STARD13: variants seen among roughly 807,000 people sequenced by gnomAD.
STARD13 encodes StAR related lipid transfer domain containing 13, also known as stAR-related lipid transfer protein 13.
Under a neutral mutation model 106.4 loss-of-function variants are expected in STARD13, and 62 were observed. That is an observed-to-expected ratio of 0.58 (90% CI 0.48 to 0.72). STARD13 has a LOEUF of 0.72. STARD13 is among the 30% of genes least tolerant of loss of function. The pLI, the probability that STARD13 is intolerant of heterozygous loss-of-function variation, is 0.00. For missense variants in STARD13, 1,387 were observed against 1,424.0 expected (o/e 0.97, Z 0.42); for synonymous variants, 565 against 553.0 (o/e 1.02, Z -0.31).
At chr13:33,266,781 T>G (rs1454705302) in intron 1 of STARD13, among the ~76,000 whole-genome samples, 2 of 152,230 alleles carry the variant, frequency 1.3e-5, no homozygotes, top group African/African-American at 2.4e-5. Context: ...TTGTCAATAT[T>G]TATGACAGTT....
At chr13:33,637,335 A>G in the STARD13 span, among the ~76,000 whole-genome samples, 1 of 152,192 alleles carries the variant, frequency 6.6e-6, no homozygotes, top group Non-Finnish European at 1.5e-5. Flanking sequence ...CCACCACCAC[A>G]TTACAGGAAA....
chr13:33,405,769 TTC>T, the STARD13 span, among the ~76,000 whole-genome samples: 1 of 152,338 alleles, frequency 6.6e-6, no homozygotes, highest in East Asian at 1.9e-4. Context: ...AAATTTGTCA[TTC>T]TGTGTCATCA....
At chr13:33,570,488 C>G in the STARD13 span, among the ~76,000 whole-genome samples, 2 of 148,248 alleles carry the variant, frequency 1.3e-5, no homozygotes, top group Non-Finnish European at 3.0e-5. Context: ...TATATTTAAA[C>G]TGGAAATGCA....
At chr13:33,670,151 G>T in the STARD13 span, among the ~76,000 whole-genome samples, 2 of 152,194 alleles carry the variant, frequency 1.3e-5, no homozygotes, top group Non-Finnish European at 2.9e-5. Context: ...GCCACAGGGG[G>T]ATGAGACTAC....
rs551070092 is a variant in STARD13, at chr13:33,215,127, G to T, written c.170-47505C>A. ...GGAATAGAATGAGTACTTGGGGGGG[G>T]GGGTGGGGGGAAATAAGCACCTCTC... is the stretch of plus-strand genomic sequence containing the variant. On this transcript the variant is annotated intron_variant, in intron 1 of 13. Coordinates refer to ENST00000336934, the MANE Select transcript of STARD13 (RefSeq NM_178006.4). Among the ~76,000 whole-genome samples the T allele has an allele frequency of 1.4e-4, 17 of 123,190 alleles. No individual in the cohort carries two copies. The South Asian group carries it at 3.7e-3, about 27-fold the overall frequency. 80.8% of individuals were successfully genotyped at this position (123,190 alleles called of 152,430 possible). A position where few individuals can be genotyped will look rare whatever the true frequency, so the allele number is the denominator to read the frequency against.
the STARD13 span, among the ~76,000 whole-genome samples, chr13:33,532,952 G>A: frequency 6.6e-6 from 1 of 151,672 alleles, no homozygotes; most frequent in East Asian, 1.9e-4. Flanking sequence ...TTTTTCCAAA[G>A]GGGCTGGGAC....
the STARD13 span, among the ~76,000 whole-genome samples, chr13:33,470,800 T>C: frequency 2.6e-5 from 4 of 152,038 alleles, no homozygotes; most frequent in Non-Finnish European, 5.9e-5. Flanking sequence ...ATTTGTTTAA[T>C]TTCTTTGTAG....
chr13:33,545,192 T>A, the STARD13 span, among the ~76,000 whole-genome samples: 1 of 152,130 alleles, frequency 6.6e-6, no homozygotes, highest in East Asian at 1.9e-4. Context: ...ATTCCTGACC[T>A]CAGGTGATCC....
intron 1 of STARD13, among the ~76,000 whole-genome samples, chr13:33,234,089 A>G (rs1472603651): frequency 6.6e-6 from 1 of 152,218 alleles, no homozygotes; most frequent in Non-Finnish European, 1.5e-5. Flanking sequence ...TGTGGCTTAT[A>G]GCATACGTAC....
chr13:33,223,204 C>T (rs146638161), intron 1 of STARD13, among the ~76,000 whole-genome samples: 20 of 152,300 alleles, frequency 1.3e-4, no homozygotes, highest in African/African-American at 4.8e-4. Flanking sequence ...TATCTGAGGA[C>T]AACAGCTCAG....
intron 1 of STARD13, among the ~76,000 whole-genome samples, chr13:33,211,335 T>G (rs763641057): frequency 2.6e-5 from 4 of 152,126 alleles, no homozygotes; most frequent in Non-Finnish European, 4.4e-5. Flanking sequence ...CCTAAAAAAG[T>G]AAAAGCCTGT....
the STARD13 span, among the ~76,000 whole-genome samples, chr13:33,629,758 T>A: frequency 1.3e-5 from 2 of 152,198 alleles, no homozygotes; most frequent in South Asian, 4.1e-4. Context: ...TTAACATCAT[T>A]TTTTGAACTG....
At chr13:33,140,099 C>T (rs567699319) in intron 4 of STARD13, among the ~76,000 whole-genome samples, 2 of 152,320 alleles carry the variant, frequency 1.3e-5, no homozygotes, top group East Asian at 3.9e-4. Flanking sequence ...GACCAATTTA[C>T]AGAGGAGCTT....
the STARD13 span, among the ~76,000 whole-genome samples, chr13:33,385,249 A>ATATG: frequency 3.0e-5 from 4 of 135,482 alleles, no homozygotes; most frequent in African/African-American, 1.1e-4. Flanking sequence ...ATATATATAT[A>ATATG]TATATATATG....
the STARD13 span, among the ~76,000 whole-genome samples, chr13:33,517,059 TATTAAA>T: frequency 1.3e-5 from 2 of 152,130 alleles, no homozygotes; most frequent in African/African-American, 4.8e-5. Context: ...TAAAATATAC[TATTAAA>T]ATTAATTATA....
the STARD13 span, among the ~76,000 whole-genome samples, chr13:33,632,057 G>A: frequency 1.3e-5 from 2 of 152,164 alleles, no homozygotes; most frequent in African/African-American, 4.8e-5. Flanking sequence ...TCATTACTTT[G>A]CATTTACTAG....
the STARD13 span, among the ~76,000 whole-genome samples, chr13:33,429,636 A>G: frequency 3.3e-5 from 5 of 152,202 alleles, no homozygotes; most frequent in Non-Finnish European, 7.4e-5. Flanking sequence ...ACTGGAGATC[A>G]TTATGTTAAG....
intron 2 of STARD13, among the ~76,000 whole-genome samples, chr13:33,165,860 A>AT (rs1293680516): frequency 2.6e-5 from 4 of 152,106 alleles, no homozygotes; most frequent in Non-Finnish European, 5.9e-5. Context: ...ATCATCTGAA[A>AT]TTTTTTTTAG....
intron 1 of STARD13, among the ~76,000 whole-genome samples, chr13:33,247,448 G>A (rs1411590956): frequency 2.7e-5 from 4 of 150,712 alleles, no homozygotes; most frequent in East Asian, 1.9e-4. Flanking sequence ...CTGCAATGCC[G>A]TCGCCAGGAC....
Sources: allele counts gnomAD v4.1 joint callset (sites outside exome capture counted in the v4.1 genomes callset), GRCh38; gene constraint gnomAD v4.1.1; transcripts MANE v1.5; gene names NCBI Gene and HGNC (gene_info 2026-07-23, HGNC 2026-07-21).